MDGA2: variants seen among roughly 807,000 people sequenced by gnomAD.
The protein encoded by MDGA2 is MAM domain containing glycosylphosphatidylinositol anchor 2, also known as MAM domain-containing glycosylphosphatidylinositol anchor protein 2.
MDGA2 carries 40 observed loss-of-function variants against 117.8 expected under a neutral mutation model. That is an observed-to-expected ratio of 0.34 (90% CI 0.26 to 0.44). The LOEUF (loss-of-function observed/expected upper bound fraction) is 0.44, where lower values mean the gene tolerates loss of function less well. Ranked by LOEUF, MDGA2 falls within the 20% of genes least tolerant of loss-of-function variation. The pLI, the probability that MDGA2 is intolerant of heterozygous loss-of-function variation, is 1.00. For missense variants in MDGA2, 1,123 were observed against 1,250.6 expected (o/e 0.90, Z 1.54); for synonymous variants, 452 against 439.0 (o/e 1.03, Z -0.37).
intron 3 of MDGA2, among the ~76,000 whole-genome samples, chr14:47,183,988 C>T (rs993541491): frequency 2.0e-5 from 3 of 151,926 alleles, no homozygotes; most frequent in African/African-American, 7.2e-5. Flanking sequence ...ATAATTCCTC[C>T]TGTTAACAAA....
intron 1 of MDGA2, among the ~76,000 whole-genome samples, chr14:47,527,049 C>A (rs1469690434): frequency 3.9e-5 from 6 of 152,148 alleles, no homozygotes; most frequent in Non-Finnish European, 4.4e-5. Flanking sequence ...TCCCAAGCAC[C>A]ATACTGAACA....
intron 1 of MDGA2, among the ~76,000 whole-genome samples, chr14:47,532,322 A>G (rs1895117600): frequency 6.6e-6 from 1 of 152,228 alleles, no homozygotes; most frequent in Admixed American, 6.5e-5. Context: ...TAACCTTGAC[A>G]GGTCCTGACT....
At chr14:47,321,245 T>C (rs1251687218) in intron 1 of MDGA2, among the ~76,000 whole-genome samples, 1 of 152,220 alleles carries the variant, frequency 6.6e-6, no homozygotes, top group Non-Finnish European at 1.5e-5. Flanking sequence ...GATTCTCTTA[T>C]GTGGCAGACC....
At chr14:47,432,315 T>TA (rs1192358307) in intron 1 of MDGA2, among the ~76,000 whole-genome samples, 1 of 152,124 alleles carries the variant, frequency 6.6e-6, no homozygotes, top group African/African-American at 2.4e-5. Context: ...ATCTCACACT[T>TA]ATATGTGGGG....
At chr14:47,296,652 C>A (rs1466733685) in intron 2 of MDGA2, among the ~76,000 whole-genome samples, 1 of 152,124 alleles carries the variant, frequency 6.6e-6, no homozygotes, top group Non-Finnish European at 1.5e-5. Flanking sequence ...GTTGAGAAAG[C>A]AAGTAACAGG....
chr14:47,277,210 T>A (rs1377099916), intron 2 of MDGA2, among the ~76,000 whole-genome samples: 1 of 152,186 alleles, frequency 6.6e-6, no homozygotes, highest in East Asian at 1.9e-4. Flanking sequence ...CTGTGAGCAC[T>A]TCCCTTAACA....
At position 46,874,038 on chromosome 14, in the gene MDGA2, C is replaced by T; in HGVS notation, c.2593+7G>A. On this transcript the variant is annotated splice_region_variant and intron_variant, in intron 13 of 16. Coordinates refer to ENST00000399232, the MANE Select transcript of MDGA2 (RefSeq NM_001113498.3). Reference sequence around the variant, plus strand: ...TGCTATGAACACAAAAGGTCATACCCCCATACCTTCTTTGGAGCCACTACG... The same window carrying T: ...TGCTATGAACACAAAAGGTCATACCTCCATACCTTCTTTGGAGCCACTACG... The T allele has an allele frequency of 1.9e-6, 3 of 1,540,550 alleles. No individual in the cohort carries two copies. Among genetic ancestry groups the T allele is most frequent in the Non-Finnish European group, 2.6e-6 (3 of 1,151,610 alleles).
At chr14:47,450,724 A>G (rs1354730676) in intron 1 of MDGA2, among the ~76,000 whole-genome samples, 1 of 151,810 alleles carries the variant, frequency 6.6e-6, no homozygotes, top group Non-Finnish European at 1.5e-5. Flanking sequence ...ATTAGTTAAT[A>G]TGAATAAGGA....
At chr14:47,112,593 A>G (rs1375710327) in intron 5 of MDGA2, among the ~76,000 whole-genome samples, 1 of 152,212 alleles carries the variant, frequency 6.6e-6, no homozygotes, top group African/African-American at 2.4e-5. Flanking sequence ...CTGGCTGCAT[A>G]GTATTCCATG....
intron 1 of MDGA2, among the ~76,000 whole-genome samples, chr14:47,498,137 C>T (rs1894320998): frequency 6.6e-6 from 1 of 152,156 alleles, no homozygotes; most frequent in South Asian, 2.1e-4. Context: ...AGGCAGAAAG[C>T]AAACAGCAGA....
chr14:47,280,053 A>G (rs1464664584), intron 2 of MDGA2, among the ~76,000 whole-genome samples: 1 of 151,722 alleles, frequency 6.6e-6, no homozygotes, highest in Non-Finnish European at 1.5e-5. Context: ...TCACGCCTAT[A>G]ATCCCATCTG....
chr14:47,634,424 C>T (rs1364645016), intron 1 of MDGA2, among the ~76,000 whole-genome samples: 2 of 151,938 alleles, frequency 1.3e-5, no homozygotes, highest in East Asian at 3.9e-4. Context: ...ACTGTGTAAG[C>T]TCACTTAATA....
At chr14:46,867,021 A>T (rs1275178558) in intron 14 of MDGA2, among the ~76,000 whole-genome samples, 4 of 152,114 alleles carry the variant, frequency 2.6e-5, no homozygotes, top group Non-Finnish European at 5.9e-5. Flanking sequence ...ATACCATTTG[A>T]CCCAGCCATC....
At chr14:47,112,724 T>A (rs1452097327) in intron 5 of MDGA2, among the ~76,000 whole-genome samples, 1 of 152,160 alleles carries the variant, frequency 6.6e-6, no homozygotes, top group East Asian at 1.9e-4. Context: ...ATCTTTATAA[T>A]AGAATGATTT....
intron 8 of MDGA2, among the ~76,000 whole-genome samples, chr14:46,993,552 C>G (rs930758293): frequency 6.6e-6 from 1 of 151,698 alleles, no homozygotes; most frequent in Admixed American, 6.6e-5. Context: ...ACCTATGCCT[C>G]CCGAGTTCAA....
At chr14:47,183,693 A>G (rs1884798625) in intron 3 of MDGA2, among the ~76,000 whole-genome samples, 1 of 152,082 alleles carries the variant, frequency 6.6e-6, no homozygotes, top group East Asian at 1.9e-4. Flanking sequence ...ACACAAACAC[A>G]TACATATGCA....
At chr14:47,423,541 C>T (rs933577988) in intron 1 of MDGA2, among the ~76,000 whole-genome samples, 2 of 131,952 alleles carry the variant, frequency 1.5e-5, no homozygotes, top group Non-Finnish European at 3.2e-5. Context: ...TACTTAGTTT[C>T]CCCTATCCCC....
chr14:46,874,445 C>T (rs1378266932), intron 12 of MDGA2, among the ~76,000 whole-genome samples: 1 of 151,680 alleles, frequency 6.6e-6, no homozygotes, highest in African/African-American at 2.4e-5. Context: ...AACAATTTTT[C>T]TCTAAAATAT....
At position 46,882,241 on chromosome 14, in the gene MDGA2, A is replaced by G. The variant is rs758937206; in HGVS notation, c.2239-20T>C. 7.5e-6 allele frequency: 12 copies of G among 1,597,024 alleles called. No individual in the cohort carries two copies. The highest frequency in any genetic ancestry group is 1.7e-5 in the Admixed American group (1 of 57,988). The stretch of plus-strand genomic sequence containing the variant: ...TCCAGCCTGAAATCAAAACAATAAT[A>G]GAATAATGTTCCCAGTATGTTCTTC... On this transcript the variant is annotated intron_variant, in intron 10 of 16. Coordinates refer to ENST00000399232, the MANE Select transcript of MDGA2 (RefSeq NM_001113498.3).
Sources: gnomAD v4.1 joint callset for allele counts (sites outside exome capture counted in the v4.1 genomes callset) on GRCh38, gnomAD v4.1.1 for gene constraint, MANE v1.5 for transcripts, NCBI Gene and HGNC (gene_info 2026-07-23, HGNC 2026-07-21) for gene names.